The following SFRP2 variants were observed in gnomAD, a reference collection of about 807,000 sequenced individuals.
The protein encoded by SFRP2 is secreted frizzled related protein 2.
Under a neutral mutation model 26.0 loss-of-function variants are expected in SFRP2, and 16 were observed. The observed-to-expected ratio is 0.61, with a 90% confidence interval of 0.42 to 0.93. SFRP2 has a LOEUF of 0.93. SFRP2 is among the 40% of genes least tolerant of loss of function. SFRP2 has a pLI of 0.00. For synonymous variants in SFRP2, 173 were observed against 167.3 expected (o/e 1.03, Z -0.26); for missense variants, 343 against 392.4 (o/e 0.87, Z 1.06).
intron 1 of SFRP2, among the ~76,000 whole-genome samples, chr4:153,788,122 G>A (rs1741242001): frequency 6.6e-6 from 1 of 152,182 alleles, no homozygotes; most frequent in African/African-American, 2.4e-5. Flanking sequence ...GGTACAACTC[G>A]GGAGGAGAAT....
chr4:153,788,156 A>AG (rs1741242683), intron 1 of SFRP2, among the ~76,000 whole-genome samples, 178 bp downstream of exon 1: 1 of 152,148 alleles, frequency 6.6e-6, no homozygotes, highest in East Asian at 1.9e-4. Context: ...GCGGCGTGGG[A>AG]GGGGTGCCTC....
At chr4:153,785,836 A>T in intron 2 of SFRP2, 28 bp downstream of exon 2, 6 of 1,390,366 alleles carry the variant, frequency 4.3e-6, no homozygotes, top group Non-Finnish European at 6.0e-6. Context: ...CTGAATGTGA[A>T]ATCTGTTGTT....
Position 153,785,903 on chromosome 4 carries a change from C to A in SFRP2, c.544G>T (p.Asp182Tyr), listed in dbSNP as rs376506469. Residue 182 changes from aspartate to tyrosine, a missense_variant, in exon 2 of 3, where the codon GAC becomes TAC. Asp to Tyr is a radical substitution (Grantham distance 160). This residue lies in a region of SFRP2 where 251 missense variants were observed against 253.3 expected (regional missense o/e 0.99). Coordinates refer to ENST00000274063, the MANE Select transcript of SFRP2 (RefSeq NM_003013.3). ...CAAAGCGTTTCCATTATGTCGTTGT[C>A]ATCATCATTTTTATTTTTGCAGGCT... ...CEACKNKNDD[D>Y]NDIMETLCKN... 5.3e-5 allele frequency: 85 copies of A among 1,603,882 alleles called. No homozygotes were observed. Among genetic ancestry groups the A allele is most frequent in the Admixed American group, 2.1e-4 (12 of 58,398 alleles).
At position 153,788,868 on chromosome 4, in the gene SFRP2, G is replaced by T; in HGVS notation, c.-33C>A. On this transcript the variant is annotated 5_prime_UTR_variant, in exon 1 of 3. Coordinates refer to ENST00000274063, the MANE Select transcript of SFRP2 (RefSeq NM_003013.3). ...GCGCGACCCCGAGGGGGCAGAGGGA[G>T]CGGAGCCGGGGAAGGGCGAGGCGGC... is the stretch of plus-strand genomic sequence containing the variant. The T allele has an allele frequency of 1.3e-6, 2 of 1,535,930 alleles. No homozygotes were observed. The highest frequency in any genetic ancestry group is 1.7e-6 in the Non-Finnish European group (2 of 1,147,918).
chr4:153,782,734 C>T (rs1324445872), intron 2 of SFRP2, among the ~76,000 whole-genome samples: 2 of 152,200 alleles, frequency 1.3e-5, no homozygotes, highest in Non-Finnish European at 2.9e-5. Context: ...TTTGCTAGAA[C>T]TCCAGTTGCC....
At position 153,785,732 on chromosome 4, in the gene SFRP2, T is replaced by G. The variant is rs1741194161; in HGVS notation, c.583+132A>C. The G allele has an allele frequency of 6.9e-6, 4 of 583,358 alleles. No homozygotes were observed. In the Admixed American group the frequency reaches 1.4e-4, roughly 20 times the overall value. The allele number at this position is 583,358 out of a possible 1,614,324, so 36.1% of individuals were successfully genotyped here. A position where few individuals can be genotyped will look rare whatever the true frequency, so the allele number is the denominator to read the frequency against. ...TAGGATAGATCAAGTTAGATGATTT[T>G]GGGATACATGAGCTATAATGGTGTT... On this transcript the variant is annotated intron_variant, in intron 2 of 2. Transcript: ENST00000274063.
chr4:153,782,391 T>C (rs1741135053), intron 2 of SFRP2, among the ~76,000 whole-genome samples: 1 of 152,252 alleles, frequency 6.6e-6, no homozygotes, highest in Non-Finnish European at 1.5e-5. Flanking sequence ...CTCATCCTTA[T>C]ATGCTCTCAT....
At position 153,785,937 on chromosome 4, in the gene SFRP2, C is replaced by T; in HGVS notation, c.510G>A (p.Lys170=). The T allele has an allele frequency of 1.3e-6, 2 of 1,593,758 alleles. No individual in the cohort carries two copies. The highest frequency in any genetic ancestry group is 1.3e-5 in the African/African-American group (1 of 74,088). ...HLLPATEEAP[K]VCEACKNKND... ...TTTTATTTTTGCAGGCTTCACATAC[C>T]TTTGGAGCTAGAAATGTGAAAAACA... The change falls in exon 2 of 3, where the codon AAG becomes AAA. Residue 170 remains lysine (K), a synonymous_variant. Coordinates refer to ENST00000274063, the MANE Select transcript of SFRP2 (RefSeq NM_003013.3).
rs535922914 is a variant in SFRP2, at chr4:153,788,647, C to A, written c.189G>T (p.Leu63=). Residue 63 remains leucine, a synonymous_variant, in exon 1 of 3, where the codon CTG becomes CTT. Coordinates refer to ENST00000274063, the MANE Select transcript of SFRP2 (RefSeq NM_003013.3). ...CCTCCTTCATGGTCTCGTGGCCCAGCAGGTTGGGCAGCCGCATGTTCTGGT... is the reference window on the plus strand; with the variant it reads ...CCTCCTTCATGGTCTCGTGGCCCAGAAGGTTGGGCAGCCGCATGTTCTGGT... ...IEYQNMRLPN[L]LGHETMKEVL... 13 of 1,614,210 alleles carry A rather than the reference C, an allele frequency of 8.1e-6. No individual in the cohort carries two copies. In the East Asian group the frequency reaches 2.9e-4, roughly 36 times the overall value.
At position 153,781,562 on chromosome 4, in the gene SFRP2, G is replaced by T. The variant is rs755100730; in HGVS notation, c.777C>A (p.Val259=). The stretch of plus-strand genomic sequence containing the variant: ...GCTCCCCACCCTGTTTCTGTCCCAT[G>T]ACCAGATAGGGCGCGTTGATGTCGT... ...EMNDINAPYL[V]MGQKQGGELV... The change falls in exon 3 of 3, where the codon GTC becomes GTA. Residue 259 remains valine (V), a synonymous_variant. Coordinates refer to ENST00000274063, the MANE Select transcript of SFRP2 (RefSeq NM_003013.3). 1 of 1,614,176 alleles carries T rather than the reference G, an allele frequency of 6.2e-7. No individual in the cohort carries two copies. The highest frequency in any genetic ancestry group is 1.1e-5 in the South Asian group (1 of 91,074).
At position 153,785,492 on chromosome 4, in the gene SFRP2, C is replaced by A. The variant is rs544670811; in HGVS notation, c.583+372G>T. On this transcript the variant is annotated intron_variant, in intron 2 of 2. Transcript: ENST00000274063. ...TTGGCTGGGGCTAATATTTACACTTCCATCCCTGGTGCACATGTTAAGTAA... is the reference window on the plus strand; with the variant it reads ...TTGGCTGGGGCTAATATTTACACTTACATCCCTGGTGCACATGTTAAGTAA... Among the ~76,000 whole-genome samples the A allele has an allele frequency of 5.0e-3, 734 of 145,936 alleles. 1 individual carries two copies. The highest frequency in any genetic ancestry group is 7.8e-3 in the Non-Finnish European group (526 of 67,060).
Position 153,788,938 on chromosome 4 carries a change from A to G in SFRP2, c.-103T>C. The G allele has an allele frequency of 7.4e-7, 1 of 1,349,498 alleles. No individual in the cohort carries two copies. The highest frequency in any genetic ancestry group is 9.6e-7 in the Non-Finnish European group (1 of 1,037,740). The allele number at this position is 1,349,498 out of a possible 1,614,324, so 83.6% of individuals were successfully genotyped here. A position where few individuals can be genotyped will look rare whatever the true frequency, so the allele number is the denominator to read the frequency against. On this transcript the variant is annotated 5_prime_UTR_variant, in exon 1 of 3. Transcript: ENST00000274063. ...GGGCCCGCTCTCTTCGCTGGGTGCG[A>G]CTCGGGGCCCCGAAAAGCTGGCAGC...
Position 153,781,466 on chromosome 4 carries a change from G to C in SFRP2, c.873C>G (p.Arg291=). 2 of 1,612,898 alleles carry C rather than the reference G, an allele frequency of 1.2e-6. No homozygotes were observed. The highest frequency in any genetic ancestry group is 1.7e-6 in the Non-Finnish European group (2 of 1,179,882). The change falls in exon 3 of 3, where the codon CGC becomes CGG. Residue 291 remains arginine (R), a synonymous_variant. Transcript: ENST00000274063. ...REFKRISRSI[R]KLQC ...GATGCCGGGACTAGCACTGCAGCTT[G>C]CGGATGCTGCGGGAGATGCGCTTGA...
intron 1 of SFRP2, among the ~76,000 whole-genome samples, chr4:153,786,300 A>ATGAAT (rs1560811182): frequency 6.6e-6 from 1 of 152,244 alleles, no homozygotes; most frequent in Non-Finnish European, 1.5e-5. Flanking sequence ...CCTCTGGGAA[A>ATGAAT]TTCAGTCTGA....
At chr4:153,786,790 G>C (rs779957749) in intron 1 of SFRP2, among the ~76,000 whole-genome samples, 6 of 150,962 alleles carry the variant, frequency 4.0e-5, no homozygotes, top group African/African-American at 1.5e-4. Context: ...CTTAGGGATT[G>C]TATACTAGCA....
rs1323829313 is a variant in SFRP2, at chr4:153,788,805, G to A, written c.31C>T (p.Leu11Phe). The A allele has an allele frequency of 3.1e-5, 49 of 1,603,312 alleles. No individual in the cohort carries two copies. The highest frequency in any genetic ancestry group is 4.1e-5 in the Non-Finnish European group (48 of 1,179,272). MLQGPGSLLL[L>F]FLASHCCLGS... ...AGGCAGCAGTGCGAGGCGAGGAAGA[G>A]CAGCAGCAGCGAGCCAGGGCCCTGC... Residue 11 changes from leucine (L) to phenylalanine (F), a missense_variant, in exon 1 of 3, where the codon CTC becomes TTC. This residue lies in a region of SFRP2 where 251 missense variants were observed against 253.3 expected (regional missense o/e 0.99). Transcript: ENST00000274063.
At chr4:153,783,999 G>A (rs2405203) in intron 2 of SFRP2, among the ~76,000 whole-genome samples, 70,768 of 152,012 alleles carry the variant, frequency 0.47, 16,888 homozygotes, top group Admixed American at 0.52. Context: ...AGGCACACAG[G>A]CATCCATGTT....
Position 153,789,078 on chromosome 4 carries a change from T to A in SFRP2, c.-243A>T, listed in dbSNP as rs1042460458. On this transcript the variant is annotated 5_prime_UTR_variant, in exon 1 of 3. Transcript: ENST00000274063. ...CCGGGGGAGCAGAATGAGCCGTTGC[T>A]GGGGCACAGCCAGAGTTTTCTTGGC... The A allele has an allele frequency of 8.2e-6, 4 of 485,962 alleles. No homozygotes were observed. In the Admixed American group the frequency reaches 1.6e-4, roughly 20 times the overall value. 30.1% of individuals were successfully genotyped at this position (485,962 alleles called of 1,614,324 possible).
At position 153,781,663 on chromosome 4, in the gene SFRP2, C is replaced by T; in HGVS notation, c.676G>A (p.Gly226Ser). The T allele has an allele frequency of 1.2e-6, 2 of 1,614,036 alleles. No homozygotes were observed. Among genetic ancestry groups the T allele is most frequent in the South Asian group, 1.1e-5 (1 of 91,062 alleles). ...TKSKTIYKLN[G>S]VSERDLKKSV... The stretch of plus-strand genomic sequence containing the variant: ...TTCTTCAGGTCCCTTTCGGACACAC[C>T]GTTCAGCTTGTAAATGGTCTTGCTC... The change falls in exon 3 of 3, where the codon GGT becomes AGT. Residue 226 changes from glycine (G) to serine (S), a missense_variant. Transcript: ENST00000274063.
Sources: allele counts gnomAD v4.1 joint callset (sites outside exome capture counted in the v4.1 genomes callset), GRCh38; gene constraint gnomAD v4.1.1; regional missense constraint gnomAD v4.1.1; transcripts MANE v1.5; gene names NCBI Gene and HGNC (gene_info 2026-07-23, HGNC 2026-07-21).